PEX7: variants seen among roughly 807,000 people sequenced by gnomAD.
PEX7 encodes peroxisomal biogenesis factor 7, also known as PTS2 receptor.
In PEX7, 34 loss-of-function variants were observed where a neutral mutation model predicts 47.5. The ratio of observed to expected loss-of-function variants is 0.72; its 90% CI spans 0.54 to 0.95. The LOEUF is 0.95. PEX7 is among the 40% of genes least tolerant of loss of function. The pLI, the probability that PEX7 is intolerant of heterozygous loss-of-function variation, is 0.00. For missense variants in PEX7, 394 were observed against 400.3 expected, an observed-to-expected ratio of 0.98 and a Z score of 0.13; for synonymous variants, 141 against 148.8, an observed-to-expected ratio of 0.95 and a Z score of 0.38.
At chr6:136,843,606 A>G (rs1774542353) in intron 3 of PEX7, among the ~76,000 whole-genome samples, 1 of 152,214 alleles carries the variant, frequency 6.6e-6, no homozygotes, top group Non-Finnish European at 1.5e-5. Context: ...GAAGAAACTT[A>G]CCATTTACTA....
intron 8 of PEX7, among the ~76,000 whole-genome samples, chr6:136,876,143 T>C (rs1254539557): frequency 1.3e-5 from 2 of 152,016 alleles, no homozygotes; most frequent in Non-Finnish European, 2.9e-5. Flanking sequence ...GTTCACACCA[T>C]TCTCCTGCCT....
Position 136,909,458 on chromosome 6 carries a change from A to G in PEX7, c.904-4000A>G, listed in dbSNP as rs1231524050. Among the ~76,000 whole-genome samples, 3 of 152,322 alleles carry G rather than the reference A, an allele frequency of 2.0e-5. No individual in the cohort carries two copies. In the East Asian group the frequency reaches 5.8e-4, roughly 29 times the overall value. ...AAATCTTGCAGTGCTACCAGAAGCC[A>G]TTGCAGTGGCAGTGATAATTAATAA... On this transcript the variant is annotated intron_variant, in intron 9 of 9. Coordinates refer to ENST00000318471, the MANE Select transcript of PEX7 (RefSeq NM_000288.4).
chr6:136,866,759 C>T lies in PEX7; in HGVS notation c.633+26C>T, dbSNP rs775446080. ...GTATAGTGTATGGCTCTATCCTATG[C>T]TGCTGTCCTTCCTAATGTTAAAATG... On this transcript the variant is annotated intron_variant, in intron 6 of 9. Coordinates refer to ENST00000318471, the MANE Select transcript of PEX7 (RefSeq NM_000288.4). 5 of 1,547,532 alleles carry T rather than the reference C, an allele frequency of 3.2e-6. No individual in the cohort carries two copies. The South Asian group carries it at 5.6e-5, about 17-fold the overall frequency.
At chr6:136,823,046 C>G (rs954934806) in intron 1 of PEX7, 1 of 985,318 alleles carries the variant, frequency 1.0e-6, no homozygotes, top group African/African-American at 1.7e-5. Flanking sequence ...AGCCCGTGTC[C>G]TTGTTCCTTG....
intron 5 of PEX7, among the ~76,000 whole-genome samples, chr6:136,846,504 C>G (rs1468345368): frequency 2.0e-5 from 3 of 152,072 alleles, no homozygotes; most frequent in Non-Finnish European, 4.4e-5. Flanking sequence ...TTCCCCCACC[C>G]CATGACAGGC....
At chr6:136,865,558 C>T (rs551102287) in intron 5 of PEX7, among the ~76,000 whole-genome samples, 10 of 152,014 alleles carry the variant, frequency 6.6e-5, no homozygotes, top group African/African-American at 1.4e-4. Context: ...CTTGGCCTCC[C>T]GAAGGGTAGG....
At chr6:136,840,983 A>T (rs774270985) in intron 3 of PEX7, among the ~76,000 whole-genome samples, 21 of 152,140 alleles carry the variant, frequency 1.4e-4, no homozygotes, top group Middle Eastern at 3.2e-3. Context: ...TGTAGTTTTT[A>T]AAAAAATTGC....
At chr6:136,860,825 A>G (rs1774948299) in intron 5 of PEX7, among the ~76,000 whole-genome samples, 1 of 152,198 alleles carries the variant, frequency 6.6e-6, no homozygotes, top group Non-Finnish European at 1.5e-5. Context: ...CATCCTTGTA[A>G]CTGGCACCCA....
chr6:136,833,676 T>C (rs544343348), intron 3 of PEX7, among the ~76,000 whole-genome samples: 3 of 152,362 alleles, frequency 2.0e-5, no homozygotes, highest in Admixed American at 2.0e-4. Context: ...CTTTTCCCTG[T>C]AAAGATTGTG....
At chr6:136,869,099 GT>G (rs1352444576) in intron 6 of PEX7, among the ~76,000 whole-genome samples, 1 of 151,960 alleles carries the variant, frequency 6.6e-6, no homozygotes, top group Non-Finnish European at 1.5e-5. Flanking sequence ...CTTTTTGTTT[GT>G]TTGTTTTTTA....
chr6:136,888,689 A>T (rs1354014083), intron 8 of PEX7, among the ~76,000 whole-genome samples: 1 of 152,060 alleles, frequency 6.6e-6, no homozygotes, highest in African/African-American at 2.4e-5. Context: ...GGCTCCTGGG[A>T]TGTGGATATG....
chr6:136,849,299 C>A (rs1395385345), intron 5 of PEX7, among the ~76,000 whole-genome samples: 1 of 152,040 alleles, frequency 6.6e-6, no homozygotes, highest in Non-Finnish European at 1.5e-5. Flanking sequence ...TTTCAAAAAA[C>A]CAGCTCCTGG....
At chr6:136,831,781 A>G (rs1339939909) in intron 3 of PEX7, among the ~76,000 whole-genome samples, 2 of 152,268 alleles carry the variant, frequency 1.3e-5, no homozygotes, top group African/African-American at 2.4e-5. Flanking sequence ...AAGCTCTGAA[A>G]TGATCTCCTT....
intron 1 of PEX7, chr6:136,823,306 CG>C: frequency 1.0e-6 from 1 of 985,416 alleles, no homozygotes; most frequent in Non-Finnish European, 1.2e-6. Flanking sequence ...TGGAGTCCCA[CG>C]GGTGACACCA....
At chr6:136,884,533 C>G (rs1304454999) in intron 8 of PEX7, among the ~76,000 whole-genome samples, 1 of 151,926 alleles carries the variant, frequency 6.6e-6, no homozygotes, top group Non-Finnish European at 1.5e-5. Flanking sequence ...GTAAATTTTT[C>G]AAATTTAATT....
chr6:136,899,121 C>G (rs529783987), intron 9 of PEX7, among the ~76,000 whole-genome samples: 1 of 140,510 alleles, frequency 7.1e-6, no homozygotes, highest in Non-Finnish European at 1.5e-5. Context: ...CACACTGTCA[C>G]CCAGGCTGGA....
chr6:136,837,009 C>T lies in PEX7; in HGVS notation c.340-8606C>T, dbSNP rs551632826. On this transcript the variant is annotated intron_variant, in intron 3 of 9. Coordinates refer to ENST00000318471, the MANE Select transcript of PEX7 (RefSeq NM_000288.4). ...TTGAAACTGCATTCAAAAAAATTAA[C>T]ATTGTTACTTTGAAACTCATATGTA... Among the ~76,000 whole-genome samples the T allele has an allele frequency of 1.3e-4, 20 of 151,550 alleles. No individual in the cohort carries two copies. In the South Asian group the frequency reaches 4.2e-3, roughly 32 times the overall value.
At position 136,869,882 on chromosome 6, in the gene PEX7, G is replaced by C; in HGVS notation, c.634-8G>C. On this transcript the variant is annotated splice_polypyrimidine_tract_variant and splice_region_variant and intron_variant, in intron 6 of 9. Coordinates refer to ENST00000318471, the MANE Select transcript of PEX7 (RefSeq NM_000288.4). ...GTCACAGTTTATGTTTCTCTGAATT[G>C]TTTTTAGAATTTGCTGGTGACCGGG... 9 of 1,604,254 alleles carry C rather than the reference G, an allele frequency of 5.6e-6. No homozygotes were observed. Among genetic ancestry groups the C allele is most frequent in the Non-Finnish European group, 7.7e-6 (9 of 1,171,044 alleles).
At chr6:136,886,209 T>C (rs1775465966) in intron 8 of PEX7, among the ~76,000 whole-genome samples, 1 of 152,148 alleles carries the variant, frequency 6.6e-6, no homozygotes, top group Admixed American at 6.6e-5. Context: ...GAATTGGGGA[T>C]AGGAAGTTAT....
Sources: allele counts gnomAD v4.1 joint callset (sites outside exome capture counted in the v4.1 genomes callset), GRCh38; gene constraint gnomAD v4.1.1; transcripts MANE v1.5; gene names NCBI Gene and HGNC (gene_info 2026-07-23, HGNC 2026-07-21).